The following CFAP54 variants were observed in gnomAD, a reference collection of about 807,000 sequenced individuals.
CFAP54 encodes cilia- and flagella-associated protein 54.
CFAP54 carries 290 observed loss-of-function variants against 370.4 expected under a neutral mutation model. The ratio of observed to expected loss-of-function variants is 0.78; its 90% CI spans 0.71 to 0.86. The LOEUF (loss-of-function observed/expected upper bound fraction) is 0.86, where lower values mean the gene tolerates loss of function less well. CFAP54 is among the 40% of genes least tolerant of loss of function. The probability of loss-of-function intolerance (pLI) is 0.00; values close to 1 mark genes in which losing one functional copy is unlikely to be tolerated. For synonymous variants in CFAP54, 1,206 were observed against 1,236.5 expected (o/e 0.98, Z 0.52); for missense variants, 3,399 against 3,528.7 (o/e 0.96, Z 0.93).
At chr12:96,870,115 G>A (rs949133794) in intron 67 of CFAP54, among the ~76,000 whole-genome samples, 8 of 151,596 alleles carry the variant, frequency 5.3e-5, no homozygotes, top group South Asian at 2.1e-4. Flanking sequence ...ACAAAAATTA[G>A]TTGGGTGTGG....
At chr12:96,787,144 A>G (rs951411834) in intron 62 of CFAP54, among the ~76,000 whole-genome samples, 9 of 152,190 alleles carry the variant, frequency 5.9e-5, no homozygotes, top group Non-Finnish European at 1.0e-4. Flanking sequence ...AGAAGTTTCT[A>G]TATTCCTGCA....
chr12:96,759,274 G>T (rs1226894449), intron 58 of CFAP54, among the ~76,000 whole-genome samples: 1 of 141,274 alleles, frequency 7.1e-6, no homozygotes, highest in East Asian at 2.2e-4. Context: ...TGATAAACAT[G>T]TTTATTTCCA....
intron 14 of CFAP54, among the ~76,000 whole-genome samples, chr12:96,542,407 T>C (rs938053679): frequency 1.3e-5 from 2 of 152,238 alleles, no homozygotes; most frequent in Admixed American, 1.3e-4. Context: ...TCGAACACAT[T>C]CATTGGCCTC....
At chr12:96,819,411 C>T (rs949065069) in intron 65 of CFAP54, among the ~76,000 whole-genome samples, 1 of 152,148 alleles carries the variant, frequency 6.6e-6, no homozygotes, top group Admixed American at 6.5e-5. Context: ...AATTGTGCCA[C>T]CAGTTTGGAA....
At chr12:96,847,721 T>A (rs1363281768) in intron 66 of CFAP54, among the ~76,000 whole-genome samples, 1 of 152,212 alleles carries the variant, frequency 6.6e-6, no homozygotes, top group African/African-American at 2.4e-5. Context: ...TCCACTTAGA[T>A]GTGAGAAGGG....
At chr12:96,749,882 G>C (rs1488239400) in intron 55 of CFAP54, among the ~76,000 whole-genome samples, 1 of 152,164 alleles carries the variant, frequency 6.6e-6, no homozygotes, top group East Asian at 1.9e-4. Context: ...GTCATGTCTA[G>C]CTGTTGGATT....
At chr12:96,668,353 CT>C (rs1271446193) in intron 39 of CFAP54, among the ~76,000 whole-genome samples, 2 of 152,156 alleles carry the variant, frequency 1.3e-5, no homozygotes, top group Admixed American at 6.5e-5. Flanking sequence ...TTACCCAAGA[CT>C]GGATAATTTA....
intron 28 of CFAP54, among the ~76,000 whole-genome samples, 171 bp downstream of exon 28, chr12:96,624,052 C>A (rs1218834503): frequency 1.3e-5 from 2 of 152,184 alleles, no homozygotes; most frequent in African/African-American, 2.4e-5. Flanking sequence ...GGATTGCTAA[C>A]CACTTTTTAC....
intron 63 of CFAP54, among the ~76,000 whole-genome samples, chr12:96,794,764 G>A (rs1751182726): frequency 6.6e-6 from 1 of 152,096 alleles, no homozygotes; most frequent in South Asian, 2.1e-4. Flanking sequence ...TCTTGGTTTG[G>A]ATCCATTGCT....
At chr12:96,522,020 T>A in intron 7 of CFAP54, 50 bp downstream of exon 7, 1 of 1,523,822 alleles carries the variant, frequency 6.6e-7, no homozygotes, top group Non-Finnish European at 8.8e-7. Context: ...CTACAGCTGA[T>A]TAAATACTTA....
chr12:96,835,901 G>T (rs2136767360), intron 66 of CFAP54, among the ~76,000 whole-genome samples: 1 of 152,270 alleles, frequency 6.6e-6, no homozygotes, highest in Non-Finnish European at 1.5e-5. Context: ...ATCTGGAGTG[G>T]CTGCTGCCAT....
chr12:96,568,833 G>T (rs1261123306), intron 19 of CFAP54, among the ~76,000 whole-genome samples: 1 of 151,612 alleles, frequency 6.6e-6, no homozygotes, highest in Admixed American at 6.6e-5. Flanking sequence ...CAATTAAGAT[G>T]GACCAATTTA....
At chr12:96,847,080 C>A (rs932618407) in intron 66 of CFAP54, among the ~76,000 whole-genome samples, 8 of 152,122 alleles carry the variant, frequency 5.3e-5, no homozygotes, top group African/African-American at 1.9e-4. Context: ...CCAGGACCCT[C>A]CCCTCAGATT....
At position 96,817,859 on chromosome 12, in the gene CFAP54, T is replaced by A; in HGVS notation, c.9042T>A (p.Asn3014Lys). The change falls in exon 65 of 68, where the codon AAT becomes AAA. Residue 3014 changes from asparagine to lysine, a missense_variant. Physicochemically the swap from Asn to Lys is moderately conservative, Grantham distance 94 (BLOSUM62 0). Coordinates refer to ENST00000524981, the MANE Select transcript of CFAP54 (RefSeq NM_001306084.2). ...SLPAAPEITS[N>K]ENIYEVEVEE... is the part of the protein sequence containing the mutation. ...CAGCAGCTCCTGAAATTACCTCAAA[T>A]GAAAACATATATGAAGTAGAAGTGG... 1 of 1,517,672 alleles carries A rather than the reference T, an allele frequency of 6.6e-7. No homozygotes were observed. The highest frequency in any genetic ancestry group is 8.8e-7 in the Non-Finnish European group (1 of 1,136,320). 94.0% of individuals were successfully genotyped at this position (1,517,672 alleles called of 1,614,324 possible).
At chr12:96,502,282 G>A (rs998685695) in intron 2 of CFAP54, among the ~76,000 whole-genome samples, 5 of 151,540 alleles carry the variant, frequency 3.3e-5, no homozygotes, top group African/African-American at 1.2e-4. Flanking sequence ...GCCAGGCTGG[G>A]CATGGTGGCT....
chr12:96,658,881 G>C (rs1956956237), intron 38 of CFAP54, among the ~76,000 whole-genome samples: 1 of 152,150 alleles, frequency 6.6e-6, no homozygotes, highest in Non-Finnish European at 1.5e-5. Flanking sequence ...CGTAAAGACA[G>C]GGCTATTTTA....
chr12:96,678,909 A>G lies in CFAP54; in HGVS notation c.5564-691A>G, dbSNP rs1186714648. Among the ~76,000 whole-genome samples the G allele has an allele frequency of 3.3e-5, 5 of 152,070 alleles. No individual in the cohort carries two copies. The East Asian group carries it at 7.7e-4, about 23-fold the overall frequency. On this transcript the variant is annotated intron_variant, in intron 39 of 67. Coordinates refer to ENST00000524981, the MANE Select transcript of CFAP54 (RefSeq NM_001306084.2). The stretch of plus-strand genomic sequence containing the variant: ...TTACAGGGGGGCTTCCACTTGTTCA[A>G]CTTGTTGAAGAAATACATTCTTTTG...
chr12:96,612,192 A>G (rs1956365731), intron 26 of CFAP54, among the ~76,000 whole-genome samples: 1 of 152,250 alleles, frequency 6.6e-6, no homozygotes, highest in Non-Finnish European at 1.5e-5. Context: ...TGGATCTCTC[A>G]GCAGAAACTC....
At chr12:96,712,135 T>A (rs1036453151) in intron 48 of CFAP54, among the ~76,000 whole-genome samples, 6 of 151,632 alleles carry the variant, frequency 4.0e-5, no homozygotes, top group African/African-American at 1.4e-4. Flanking sequence ...TACATTATAC[T>A]ATTTTTTTTC....
Sources: gnomAD v4.1 joint callset for allele counts (sites outside exome capture counted in the v4.1 genomes callset) on GRCh38, gnomAD v4.1.1 for gene constraint, MANE v1.5 for transcripts, NCBI Gene and HGNC (gene_info 2026-07-23, HGNC 2026-07-21) for gene names.